CHST8: variants seen among roughly 807,000 people sequenced by gnomAD.
The protein encoded by CHST8 is GALNAC-4-ST1.
In CHST8, 10 loss-of-function variants were observed where a neutral mutation model predicts 15.0. The observed-to-expected ratio is 0.67, with a 90% CI of 0.41 to 1.13. The LOEUF (loss-of-function observed/expected upper bound fraction) is 1.13, where lower values mean the gene tolerates loss of function less well. Ranked by LOEUF, CHST8 falls within the 50% of genes most tolerant of loss-of-function variation. CHST8 has a pLI of 0.00. For missense variants in CHST8, 634 were observed against 608.2 expected (o/e 1.04, Z -0.45); for synonymous variants, 259 against 256.6 (o/e 1.01, Z -0.09).
At chr19:33,670,530 G>C (rs1972723344) in intron 2 of CHST8, among the ~76,000 whole-genome samples, 1 of 152,208 alleles carries the variant, frequency 6.6e-6, no homozygotes, top group Non-Finnish European at 1.5e-5. Flanking sequence ...CCCAGGGCCA[G>C]CGCTGGCTGC....
chr19:33,742,405 C>T (rs897483478), intron 3 of CHST8, among the ~76,000 whole-genome samples: 9 of 152,214 alleles, frequency 5.9e-5, no homozygotes, highest in East Asian at 1.9e-4. Flanking sequence ...TGGCAGAAGG[C>T]GAAGGGGTAG....
chr19:33,648,366 C>G (rs4805050), intron 1 of CHST8, among the ~76,000 whole-genome samples: 87,226 of 141,402 alleles, frequency 0.62, 25,531 homozygotes, highest in Admixed American at 0.7. Context: ...AGAAAGAAAC[C>G]CTGTGCTATT....
At chr19:33,716,945 CCCTCTG>C (rs944739206) in intron 3 of CHST8, among the ~76,000 whole-genome samples, 30 of 152,234 alleles carry the variant, frequency 2.0e-4, no homozygotes, top group African/African-American at 7.2e-4. Context: ...CCATGGTTTT[CCCTCTG>C]CCCCTGTCTG....
At chr19:33,697,808 CG>C (rs1309998597) in intron 3 of CHST8, among the ~76,000 whole-genome samples, 1 of 152,146 alleles carries the variant, frequency 6.6e-6, no homozygotes, top group Non-Finnish European at 1.5e-5. Context: ...GAATGCGGCA[CG>C]TGGAGAACTT....
chr19:33,726,520 A>C (rs1973902637), intron 3 of CHST8, among the ~76,000 whole-genome samples: 1 of 152,188 alleles, frequency 6.6e-6, no homozygotes, highest in Non-Finnish European at 1.5e-5. Flanking sequence ...CCTGGGTGAC[A>C]GAGCAAGACC....
In CHST8 at chr19:33,733,232, C is replaced by CTTT. The variant is rs34651897; in HGVS notation, c.131-38164_131-38162dup. Reference sequence around the variant, plus strand: ...CCAAGAGACAAAGACCAGATATATTCTTTTTTTTTTTTTTTTTTTGAGATG... The same window carrying CTTT: ...CCAAGAGACAAAGACCAGATATATTCTTTTTTTTTTTTTTTTTTTTTTGAGATG... On this transcript the variant is annotated intron_variant, in intron 3 of 4. Transcript: ENST00000650847. Among the ~76,000 whole-genome samples the CTTT allele has an allele frequency of 1.0e-3, 129 of 125,596 alleles. 1 individual carries two copies. Among genetic ancestry groups the CTTT allele is most frequent in the African/African-American group, 3.1e-3 (98 of 32,118 alleles). The allele number at this position is 125,596 out of a possible 152,430, so 82.4% of individuals were successfully genotyped here.
chr19:33,647,846 A>AAAATAAAT (rs146283524), intron 1 of CHST8, among the ~76,000 whole-genome samples: 15 of 151,436 alleles, frequency 9.9e-5, no homozygotes, highest in Non-Finnish European at 1.9e-4. Context: ...GCTCCGTTTC[A>AAAATAAAT]AAATAAATAA....
intron 3 of CHST8, chr19:33,744,195 T>G (rs1974264791): frequency 6.6e-6 from 1 of 152,336 alleles, no homozygotes; most frequent in African/African-American, 2.4e-5. Flanking sequence ...TCTTTTCTTT[T>G]GGGGTATAGT....
chr19:33,632,955 C>G (rs1232110699), intron 1 of CHST8, among the ~76,000 whole-genome samples: 2 of 151,734 alleles, frequency 1.3e-5, no homozygotes, highest in East Asian at 3.9e-4. Flanking sequence ...CTCAGCCTCC[C>G]TAGTAGCTGG....
rs1352561165 is a variant in CHST8, at chr19:33,679,996, G to A, written c.-86-9180G>A. ...CTATCTTCCTTCTGCAGGACACTCC[G>A]ACAGGCTGAATCCACTCCGGAGCCC... is the stretch of plus-strand genomic sequence containing the variant. On this transcript the variant is annotated intron_variant, in intron 2 of 4. Transcript: ENST00000650847. 3.3e-5 allele frequency among the ~76,000 whole-genome samples: 5 copies of A among 152,144 alleles called. No homozygotes were observed. In the East Asian group the frequency reaches 5.8e-4, roughly 18 times the overall value.
intron 2 of CHST8, among the ~76,000 whole-genome samples, chr19:33,679,808 A>G (rs1217783325): frequency 6.6e-6 from 1 of 152,180 alleles, no homozygotes; most frequent in East Asian, 1.9e-4. Context: ...TGCTGCCCAG[A>G]TCTTCCTTCC....
At chr19:33,730,924 T>C (rs1438695044) in intron 3 of CHST8, among the ~76,000 whole-genome samples, 1 of 152,176 alleles carries the variant, frequency 6.6e-6, no homozygotes, top group Admixed American at 6.5e-5. Flanking sequence ...AGTCCGATGT[T>C]CGAGGGCAGG....
rs1227856516 is a variant in CHST8, at chr19:33,689,486, GA to G, written c.130+98del. On this transcript the variant is annotated intron_variant, in intron 3 of 4. Coordinates refer to ENST00000650847, the MANE Select transcript of CHST8 (RefSeq NM_001127895.2). ...CTGCCCTGGTGTGCTGGGCTTGGGGGAAAGGGGCAAGTCTGTGCCAAGACCC... is the reference window on the plus strand; with the variant it reads ...CTGCCCTGGTGTGCTGGGCTTGGGGGAAGGGGCAAGTCTGTGCCAAGACCC... 5 of 1,373,106 alleles carry G rather than the reference GA, an allele frequency of 3.6e-6. No homozygotes were observed. The Admixed American group carries it at 1.3e-4, about 36-fold the overall frequency. 85.1% of individuals were successfully genotyped at this position (1,373,106 alleles called of 1,614,324 possible). A position where few individuals can be genotyped will look rare whatever the true frequency, so the allele number is the denominator to read the frequency against.
At chr19:33,650,960 C>T (rs1453267022) in intron 1 of CHST8, among the ~76,000 whole-genome samples, 1 of 152,130 alleles carries the variant, frequency 6.6e-6, no homozygotes, top group Non-Finnish European at 1.5e-5. Context: ...CTCAACCTCC[C>T]AAAGTGCTGG....
chr19:33,701,207 T>C (rs1973329388), intron 3 of CHST8, among the ~76,000 whole-genome samples: 1 of 152,116 alleles, frequency 6.6e-6, no homozygotes, highest in African/African-American at 2.4e-5. Context: ...CCGTTCCCCT[T>C]AGCAGTGCCA....
At chr19:33,661,423 C>A (rs1029414021) in intron 1 of CHST8, among the ~76,000 whole-genome samples, 1 of 152,224 alleles carries the variant, frequency 6.6e-6, no homozygotes, top group African/African-American at 2.4e-5. Context: ...TCACCCGAGT[C>A]CTCTGTCTCT....
At chr19:33,737,641 C>T (rs903586079) in intron 3 of CHST8, among the ~76,000 whole-genome samples, 16 of 152,188 alleles carry the variant, frequency 1.1e-4, no homozygotes, top group Admixed American at 9.2e-4. Flanking sequence ...ATGGAAGCCA[C>T]GTGCCATACT....
At chr19:33,745,920 C>T (rs895737546) in intron 3 of CHST8, among the ~76,000 whole-genome samples, 1 of 152,232 alleles carries the variant, frequency 6.6e-6, no homozygotes, top group Non-Finnish European at 1.5e-5. Flanking sequence ...CTCTGGCTCC[C>T]AGCCCCTGCT....
intron 3 of CHST8, among the ~76,000 whole-genome samples, chr19:33,733,504 G>A (rs746045032): frequency 6.6e-6 from 1 of 152,102 alleles, no homozygotes; most frequent in Non-Finnish European, 1.5e-5. Context: ...CAAAGTGCTG[G>A]GATTACAGGC....
Sources: gnomAD v4.1 joint callset for allele counts (sites outside exome capture counted in the v4.1 genomes callset) on GRCh38, gnomAD v4.1.1 for gene constraint, MANE v1.5 for transcripts, NCBI Gene and HGNC (gene_info 2026-07-23, HGNC 2026-07-21) for gene names.